Variants in LARGE1 observed in about 807,000 individuals in gnomAD.
The protein encoded by LARGE1 is xylosyl- and glucuronyltransferase LARGE1.
A neutral mutation model predicts 87.6 loss-of-function variants in LARGE1; 43 were observed. The observed-to-expected ratio is 0.49, with a 90% CI of 0.38 to 0.63. LARGE1 has a LOEUF of 0.63. Among genes scored for constraint, LARGE1 ranks in the 30% least tolerant of loss-of-function variants. The pLI is 0.00. For synonymous variants in LARGE1, 434 were observed against 394.6 expected, an observed-to-expected ratio of 1.10 and a Z score of -1.18; for missense variants, 802 against 1,000.2, an observed-to-expected ratio of 0.80 and a Z score of 2.67.
chr22:33,237,545 C>A (rs1926312337), intron 11 of LARGE1, among the ~76,000 whole-genome samples: 1 of 151,216 alleles, frequency 6.6e-6, no homozygotes, highest in African/African-American at 2.4e-5. Context: ...TCTAAAAGAA[C>A]TATAAGTATA....
At chr22:33,705,550 T>C (rs2082536414) in intron 2 of LARGE1, among the ~76,000 whole-genome samples, 1 of 152,222 alleles carries the variant, frequency 6.6e-6, no homozygotes. Flanking sequence ...CAGCCCCATT[T>C]CACTGATGAG....
At chr22:33,506,197 A>AATATAT (rs113938616) in intron 6 of LARGE1, among the ~76,000 whole-genome samples, 16 of 149,188 alleles carry the variant, frequency 1.1e-4, no homozygotes, top group African/African-American at 3.9e-4. Context: ...TGTGCTACAT[A>AATATAT]ATATATATAT....
chr22:33,349,518 G>A (rs1940155981), intron 9 of LARGE1, among the ~76,000 whole-genome samples: 2 of 152,270 alleles, frequency 1.3e-5, no homozygotes, highest in South Asian at 4.2e-4. Context: ...ATCCTTCAAT[G>A]CAAGAGCTGT....
intron 11 of LARGE1, among the ~76,000 whole-genome samples, chr22:33,249,814 G>C (rs1050422574): frequency 9.2e-5 from 14 of 152,126 alleles, no homozygotes. Flanking sequence ...CTGTTGTATT[G>C]TACTTGCTCC....
At chr22:33,802,826 C>T in intron 1 of LARGE1, among the ~76,000 whole-genome samples, 1 of 152,074 alleles carries the variant, frequency 6.6e-6, no homozygotes, top group Non-Finnish European at 1.5e-5. Context: ...TCCCACCCAA[C>T]CAAATCCTTC....
rs770995323 is a variant in LARGE1 at position 33,604,540 on chromosome 22, G to C, written c.510C>G (p.Phe170Leu). The C allele has an allele frequency of 4.3e-6, 7 of 1,614,114 alleles. No individual in the cohort carries two copies. Among genetic ancestry groups the C allele is most frequent in the Non-Finnish European group, 5.1e-6 (6 of 1,179,990 alleles). Residue 170 changes from phenylalanine (F) to leucine (L), a missense_variant, in exon 5 of 15, where the codon TTC becomes TTG. Physicochemically the swap from Phe to Leu is conservative, Grantham distance 22. Transcript: ENST00000397394. ...VLFHRRNPLH[F>L]HLIADSIAEQ... ...CCGCAATGGAGTCAGCAATAAGGTG[G>C]AAGTGCAGAGGGTTCCGTCTGTGGG... is the stretch of plus-strand genomic sequence containing the variant.
intron 6 of LARGE1, among the ~76,000 whole-genome samples, chr22:33,508,165 C>T (rs1406426322): frequency 2.6e-5 from 4 of 152,164 alleles, no homozygotes; most frequent in Non-Finnish European, 4.4e-5. Context: ...GAATCTACAC[C>T]GAACAACAGA....
At chr22:33,866,046 A>C (rs2064092431) in intron 1 of LARGE1, among the ~76,000 whole-genome samples, 1 of 151,262 alleles carries the variant, frequency 6.6e-6, no homozygotes, top group Non-Finnish European at 1.5e-5. Context: ...ATAGGGTTTC[A>C]CCATGTTGCC....
At chr22:33,827,262 C>T (rs903101902) in intron 1 of LARGE1, among the ~76,000 whole-genome samples, 11 of 151,862 alleles carry the variant, frequency 7.2e-5, no homozygotes, top group African/African-American at 2.4e-4. Context: ...CCCAGCTACT[C>T]GGGAGGCCAA....
intron 2 of LARGE1, among the ~76,000 whole-genome samples, chr22:33,660,086 GTGTGTT>G (rs1289774250): frequency 8.9e-6 from 1 of 112,922 alleles, no homozygotes; most frequent in African/African-American, 4.4e-5. Context: ...GTGTGTGTGT[GTGTGTT>G]TTTTTTTTTT....
At chr22:33,654,334 C>G (rs1411883243) in intron 2 of LARGE1, among the ~76,000 whole-genome samples, 2 of 152,136 alleles carry the variant, frequency 1.3e-5, no homozygotes, top group Non-Finnish European at 2.9e-5. Context: ...TGAGCCGGCC[C>G]CTTCCTTTTC....
intron 11 of LARGE1, among the ~76,000 whole-genome samples, chr22:33,244,782 C>T (rs1602140944): frequency 6.6e-6 from 1 of 151,936 alleles, no homozygotes; most frequent in Non-Finnish European, 1.5e-5. Flanking sequence ...GTTGAAGTGG[C>T]GGAGCTCTTA....
intron 1 of LARGE1, among the ~76,000 whole-genome samples, chr22:33,771,715 C>A (rs1173392161): frequency 6.6e-6 from 1 of 152,242 alleles, no homozygotes; most frequent in East Asian, 1.9e-4. Context: ...TGTACAATGA[C>A]CTTCTTCCTA....
At chr22:33,584,162 C>T (rs1021845598) in intron 5 of LARGE1, among the ~76,000 whole-genome samples, 1 of 152,158 alleles carries the variant, frequency 6.6e-6, no homozygotes. Context: ...TATAGCTAAG[C>T]TGAGCAGATA....
intron 7 of LARGE1, among the ~76,000 whole-genome samples, chr22:33,418,385 AG>A (rs1284352867): frequency 1.3e-5 from 2 of 152,204 alleles, no homozygotes; most frequent in African/African-American, 2.4e-5. Flanking sequence ...CACAGGTTCC[AG>A]GGCTTAGAGC....
the LARGE1 span, among the ~76,000 whole-genome samples, chr22:33,068,054 A>C: frequency 1.3e-5 from 2 of 152,078 alleles, no homozygotes; most frequent in Non-Finnish European, 2.9e-5. Context: ...GATCAATTGG[A>C]CCAATTTATA....
intron 12 of LARGE1, among the ~76,000 whole-genome samples, chr22:33,297,000 G>A (rs988553083): frequency 2.0e-5 from 3 of 152,212 alleles, no homozygotes; most frequent in African/African-American, 7.2e-5. Context: ...AGTGCTTGGC[G>A]CATAGTAAGT....
intron 1 of LARGE1, among the ~76,000 whole-genome samples, chr22:33,814,398 G>T (rs2086589126): frequency 6.6e-6 from 1 of 152,166 alleles, no homozygotes; most frequent in Admixed American, 6.5e-5. Flanking sequence ...TTAGTTTTAT[G>T]TTTCAACTTG....
At chr22:33,711,722 C>T (rs906490335) in intron 2 of LARGE1, among the ~76,000 whole-genome samples, 2 of 152,246 alleles carry the variant, frequency 1.3e-5, no homozygotes, top group Non-Finnish European at 2.9e-5. Flanking sequence ...TCATAGCTCA[C>T]TGCAGCCTCA....
Sources: gnomAD v4.1 joint callset for allele counts (sites outside exome capture counted in the v4.1 genomes callset) on GRCh38, gnomAD v4.1.1 for gene constraint, MANE v1.5 for transcripts, NCBI Gene and HGNC (gene_info 2026-07-23, HGNC 2026-07-21) for gene names.